Variants in ECI1 observed in about 807,000 individuals in gnomAD.
ECI1 encodes the protein enoyl-CoA delta isomerase 1, also known as enoyl-CoA delta isomerase 1, mitochondrial.
Under a neutral mutation model 34.2 loss-of-function variants are expected in ECI1, and 34 were observed. The observed-to-expected ratio is 1.00, with a 90% CI of 0.76 to 1.33. ECI1 has a LOEUF of 1.33. ECI1 is among the 40% of genes most tolerant of loss of function. The pLI, the probability that ECI1 is intolerant of heterozygous loss-of-function variation, is 0.00. For synonymous variants in ECI1, 211 were observed against 193.0 expected (o/e 1.09, Z -0.77); for missense variants, 456 against 422.2 (o/e 1.08, Z -0.70).
chr16:2,242,807 A>T, intron 6 of ECI1: 1 of 570,658 alleles, frequency 1.8e-6, no homozygotes, highest in Non-Finnish European at 3.2e-6. Flanking sequence ...GAACGCAGGG[A>T]GGAAGTGCAG....
At chr16:2,246,283 G>A (rs981122679) in intron 3 of ECI1, among the ~76,000 whole-genome samples, 6 of 152,206 alleles carry the variant, frequency 3.9e-5, no homozygotes, top group Non-Finnish European at 7.3e-5. Context: ...TTGAGAACTC[G>A]CCCTGAAGAC....
chr16:2,244,256 C>G (rs2093534889), intron 4 of ECI1, 150 bp downstream of exon 4: 1 of 951,684 alleles, frequency 1.1e-6, no homozygotes, highest in African/African-American at 1.6e-5. Flanking sequence ...GCCCCGTGGT[C>G]TGCGATGGCG....
chr16:2,249,421 G>A (rs541392540), intron 2 of ECI1, among the ~76,000 whole-genome samples: 13 of 152,008 alleles, frequency 8.6e-5, no homozygotes, highest in South Asian at 2.1e-4. Context: ...TTACGGCCAC[G>A]GGGTTGTACA....
chr16:2,251,306 G>A lies in ECI1; in HGVS notation c.166+10C>T. On this transcript the variant is annotated intron_variant, in intron 2 of 6. Coordinates refer to ENST00000301729, the MANE Select transcript of ECI1 (RefSeq NM_001919.4). ...CCCACGCCCGCCCTCCCTCGGCGCCGCCCGCTCACCTGCGCCCGCGTCCGG... is the reference window on the plus strand; with the variant it reads ...CCCACGCCCGCCCTCCCTCGGCGCCACCCGCTCACCTGCGCCCGCGTCCGG... 4 of 1,178,106 alleles carry A rather than the reference G, an allele frequency of 3.4e-6. No individual in the cohort carries two copies. Among genetic ancestry groups the A allele is most frequent in the Non-Finnish European group, 3.2e-6 (3 of 946,684 alleles). 73.0% of individuals were successfully genotyped at this position (1,178,106 alleles called of 1,614,324 possible). A position where few individuals can be genotyped will look rare whatever the true frequency, so the allele number is the denominator to read the frequency against.
At position 2,244,544 on chromosome 16, in the gene ECI1, C is replaced by T. The variant is rs149722709; in HGVS notation, c.303G>A (p.Pro101=). 114 of 1,586,138 alleles carry T rather than the reference C, an allele frequency of 7.2e-5. No individual in the cohort carries two copies. The highest frequency in any genetic ancestry group is 1.6e-4 in the Admixed American group (9 of 56,142). ...GGTCCAGGCCGGCCGAGAAGACACC[C>T]GGGCGGTCCTGCAGGGGGAGCCGGG... The part of the protein sequence containing the change: ...FRGVILTSDR[P]GVFSAGLDLT... The change falls in exon 4 of 7, where the codon CCG becomes CCA. Residue 101 remains proline, a synonymous_variant. Transcript: ENST00000301729.
intron 4 of ECI1, 127 bp downstream of exon 4, chr16:2,244,279 C>T (rs1427815072): frequency 1.7e-6 from 2 of 1,179,012 alleles, no homozygotes; most frequent in African/African-American, 1.5e-5. Flanking sequence ...CACCTGTGCA[C>T]ATCTCAGGGC....
intron 2 of ECI1, 87 bp from the exon 3 acceptor site, chr16:2,247,073 G>A: frequency 6.7e-7 from 1 of 1,485,810 alleles, no homozygotes; most frequent in Middle Eastern, 1.7e-4. Flanking sequence ...AGCCATGATA[G>A]CTGTGCATTT....
At chr16:2,248,641 T>G (rs368467582) in intron 2 of ECI1, among the ~76,000 whole-genome samples, 107 of 151,646 alleles carry the variant, frequency 7.1e-4, no homozygotes, top group African/African-American at 2.4e-3. Context: ...CATGAACTTC[T>G]GACCTCAGGT....
At chr16:2,240,587 T>A (rs994076606) in intron 6 of ECI1, 2 of 203,900 alleles carry the variant, frequency 9.8e-6, no homozygotes, top group Admixed American at 1.1e-4. Context: ...GCACTAGTGA[T>A]CACGACTCAC....
At chr16:2,249,653 C>T (rs1395841898) in intron 2 of ECI1, among the ~76,000 whole-genome samples, 2 of 149,494 alleles carry the variant, frequency 1.3e-5, no homozygotes, top group Admixed American at 6.7e-5. Flanking sequence ...GGGTGGATCA[C>T]GAGGTCAGGA....
At chr16:2,249,876 CAAAAAAAAA>C (rs869259386) in intron 2 of ECI1, among the ~76,000 whole-genome samples, 10 of 20,348 alleles carry the variant, frequency 4.9e-4, no homozygotes, top group Admixed American at 1.7e-3. Flanking sequence ...GACTCCGTCT[CAAAAAAAAA>C]AAAAAAAAAA....
At position 2,243,336 on chromosome 16, in the gene ECI1, C is replaced by T; in HGVS notation, c.545G>A (p.Gly182Asp). The T allele has an allele frequency of 6.2e-7, 1 of 1,613,690 alleles. No individual in the cohort carries two copies. Among genetic ancestry groups the T allele is most frequent in the Non-Finnish European group, 8.5e-7 (1 of 1,180,016 alleles). The change falls in exon 5 of 7, where the codon GGC becomes GAC. Residue 182 changes from glycine to aspartate, a missense_variant. Transcript: ENST00000301729. ...YCIGLNETQL[G>D]IIAPFWLKDT... ...GCCTTACCAGAAAGGGGCGATGATGCCCAGCTGGGTCTCATTGAGTCCTAT... is the reference window on the plus strand; with the variant it reads ...GCCTTACCAGAAAGGGGCGATGATGTCCAGCTGGGTCTCATTGAGTCCTAT...
chr16:2,247,971 A>G (rs2093544148), intron 2 of ECI1, among the ~76,000 whole-genome samples: 1 of 152,132 alleles, frequency 6.6e-6, no homozygotes, highest in Non-Finnish European at 1.5e-5. Context: ...AGGCTCCCAA[A>G]GTGCTAGATT....
Position 2,251,548 on chromosome 16 carries a change from C to A in ECI1, c.19G>T (p.Val7Leu). 1.3e-6 allele frequency: 2 copies of A among 1,559,610 alleles called. No homozygotes were observed. The highest frequency in any genetic ancestry group is 8.7e-7 in the Non-Finnish European group (1 of 1,152,786). The change falls in exon 1 of 7, where the codon GTG (valine) becomes TTG (leucine). Residue 7 changes from valine to leucine, a missense_variant. By Grantham distance (32) the Val-to-Leu change is conservative. Transcript: ENST00000301729. Reference protein sequence around the residue: MALVASVRVPARVLLRA... With the variant: MALVASLRVPARVLLRA... ...AGCAGAACGCGCGCCGGGACTCGCA[C>A]AGAAGCCACCAGCGCCATCTTGACC...
chr16:2,251,270 C>A (rs1414717361), intron 2 of ECI1, 46 bp downstream of exon 2: 1 of 973,030 alleles, frequency 1.0e-6, no homozygotes, highest in African/African-American at 1.7e-5. Context: ...CGGACCCCCG[C>A]GGGTCCTGAC....
rs34832478 is a variant in ECI1 at position 2,240,099 on chromosome 16, G to A, written c.789C>T (p.Ala263=). The A allele has an allele frequency of 1.8e-4, 288 of 1,613,784 alleles. No homozygotes were observed. The highest frequency in any genetic ancestry group is 2.1e-4 in the Non-Finnish European group (253 of 1,180,054). Residue 263 remains alanine (A), a synonymous_variant, in exon 7 of 7, where the codon GCC becomes GCT. Coordinates refer to ENST00000301729, the MANE Select transcript of ECI1 (RefSeq NM_001919.4). Reference sequence around the variant, plus strand: ...CATCGCGCTGCGTGACCAGGCGGCTGGCCGTGGCCTTTCGCATCATGGCCT... The same window carrying A: ...CATCGCGCTGCGTGACCAGGCGGCTAGCCGTGGCCTTTCGCATCATGGCCT... The part of the protein sequence containing the change: ...LTKAMMRKAT[A]SRLVTQRDAD...
Position 2,243,494 on chromosome 16 carries a change from C to T in ECI1, c.442-55G>A, listed in dbSNP as rs1248151602. 1.9e-5 allele frequency: 30 copies of T among 1,601,218 alleles called. No homozygotes were observed. The highest frequency in any genetic ancestry group is 2.5e-5 in the Non-Finnish European group (29 of 1,178,894). On this transcript the variant is annotated intron_variant, in intron 4 of 6. Coordinates refer to ENST00000301729, the MANE Select transcript of ECI1 (RefSeq NM_001919.4). ...GGTGCTGCTGGTCCCAACCACATTCCAGAGGGCCAGGTCCAAGGAAGGAGG... is the reference window on the plus strand; with the variant it reads ...GGTGCTGCTGGTCCCAACCACATTCTAGAGGGCCAGGTCCAAGGAAGGAGG...
chr16:2,241,182 A>T (rs533953849), intron 6 of ECI1: 2 of 152,206 alleles, frequency 1.3e-5, no homozygotes, highest in East Asian at 3.9e-4. Flanking sequence ...AAAATAAAAA[A>T]ATTTCCATGG....
At chr16:2,245,167 C>T (rs2093537368) in intron 3 of ECI1, among the ~76,000 whole-genome samples, 1 of 152,158 alleles carries the variant, frequency 6.6e-6, no homozygotes, top group Admixed American at 6.5e-5. Flanking sequence ...GTGGAGAACC[C>T]ACCCTGGGGA....
Sources: allele counts gnomAD v4.1 joint callset (sites outside exome capture counted in the v4.1 genomes callset), GRCh38; gene constraint gnomAD v4.1.1; transcripts MANE v1.5; gene names NCBI Gene and HGNC (gene_info 2026-07-23, HGNC 2026-07-21).